STXBP5: variants seen among roughly 807,000 people sequenced by gnomAD.
STXBP5 encodes syntaxin binding protein 5.
Under a neutral mutation model 152.4 loss-of-function variants are expected in STXBP5, and 50 were observed. The ratio of observed to expected loss-of-function variants is 0.33; its 90% CI spans 0.26 to 0.42. STXBP5 has a LOEUF of 0.42. STXBP5 is among the 10% of genes least tolerant of loss of function. The probability of loss-of-function intolerance (pLI) is 1.00; values close to 1 mark genes in which losing one functional copy is unlikely to be tolerated. For synonymous variants in STXBP5, 492 were observed against 494.7 expected, an observed-to-expected ratio of 0.99 and a Z score of 0.07; for missense variants, 1,167 against 1,388.6, an observed-to-expected ratio of 0.84 and a Z score of 2.54.
At chr6:147,223,756 T>C (rs929818076) in intron 2 of STXBP5, among the ~76,000 whole-genome samples, 3 of 152,182 alleles carry the variant, frequency 2.0e-5, no homozygotes, top group African/African-American at 7.2e-5. Context: ...TTTAAATCTT[T>C]GTGGATGCTT....
chr6:147,253,568 A>C lies in STXBP5; in HGVS notation c.432-7047A>C, dbSNP rs181999613. Among the ~76,000 whole-genome samples the C allele has an allele frequency of 6.1e-4, 93 of 152,328 alleles. 2 individuals are homozygous for C. In the East Asian group the frequency reaches 0.015, roughly 25 times the overall value. On this transcript the variant is annotated intron_variant, in intron 4 of 27. Transcript: ENST00000321680. ...TTAGAAAACCCCATCGTCTCAGCCC[A>C]AAATCTCCTTAAGCTGATAAGCAAC...
intron 26 of STXBP5, among the ~76,000 whole-genome samples, chr6:147,374,963 C>A (rs1785738868): frequency 6.6e-6 from 1 of 152,190 alleles, no homozygotes; most frequent in Admixed American, 6.5e-5. Context: ...CCTGTAAAAT[C>A]TTCAGTGCTA....
At chr6:147,336,327 A>G (rs1783824490) in intron 19 of STXBP5, among the ~76,000 whole-genome samples, 2 of 152,146 alleles carry the variant, frequency 1.3e-5, no homozygotes, top group Non-Finnish European at 2.9e-5. Flanking sequence ...CAACTTGTCC[A>G]TGTAAAAATT....
intron 4 of STXBP5, 35 bp from the exon 5 acceptor site, chr6:147,260,580 C>T: frequency 6.2e-7 from 1 of 1,612,522 alleles, no homozygotes; most frequent in South Asian, 1.1e-5. Context: ...TGCCATTTTT[C>T]AAATTTCTTT....
intron 25 of STXBP5, among the ~76,000 whole-genome samples, chr6:147,364,632 T>A (rs1464810446): frequency 6.6e-6 from 1 of 152,202 alleles, no homozygotes; most frequent in South Asian, 2.1e-4. Flanking sequence ...GTTGATCTGT[T>A]TTTGAGAGAC....
At position 147,301,874 on chromosome 6, in the gene STXBP5, G is replaced by A. The variant is rs554289457; in HGVS notation, c.918-8210G>A. Among the ~76,000 whole-genome samples, 19 of 152,222 alleles carry A rather than the reference G, an allele frequency of 1.2e-4. 1 individual carries two copies. Among genetic ancestry groups the A allele is most frequent in the South Asian group, 8.3e-4 (4 of 4,822 alleles). The stretch of plus-strand genomic sequence containing the variant: ...GATTACCACACTGCTTTGTGTTCTC[G>A]TGACTTCAGACCTGCTACTGCTGTA... On this transcript the variant is annotated intron_variant, in intron 9 of 27. Transcript: ENST00000321680.
intron 22 of STXBP5, among the ~76,000 whole-genome samples, chr6:147,356,239 A>G (rs1018448733): frequency 6.6e-6 from 1 of 152,086 alleles, no homozygotes; most frequent in Non-Finnish European, 1.5e-5. Flanking sequence ...TAATTTTAAT[A>G]GTTATCAGTA....
intron 3 of STXBP5, among the ~76,000 whole-genome samples, 195 bp downstream of exon 3, chr6:147,235,526 A>G (rs557888427): frequency 9.2e-5 from 14 of 152,298 alleles, no homozygotes; most frequent in African/African-American, 3.1e-4. Context: ...ATGTTTTCTC[A>G]AGACAGTGTT....
Position 147,313,864 on chromosome 6 carries a change from T to G in STXBP5, c.1146-20T>G, listed in dbSNP as rs772197732. On this transcript the variant is annotated intron_variant, in intron 11 of 27. Transcript: ENST00000321680. The stretch of plus-strand genomic sequence containing the variant: ...TAATTCATTAAATTAATAAATACTT[T>G]TCTTTTTCTGTTGTTAAAGATATCC... 2.5e-5 allele frequency: 36 copies of G among 1,454,224 alleles called. No individual in the cohort carries two copies. Among genetic ancestry groups the G allele is most frequent in the Admixed American group, 7.6e-5 (4 of 52,880 alleles). 90.1% of individuals were successfully genotyped at this position (1,454,224 alleles called of 1,614,324 possible).
Position 147,311,493 on chromosome 6 carries a change from A to G in STXBP5, c.1111A>G (p.Lys371Glu), listed in dbSNP as rs1456792552. 6.2e-7 allele frequency: 1 copy of G among 1,612,230 alleles called. No homozygotes were observed. Among genetic ancestry groups the G allele is most frequent in the African/African-American group, 1.3e-5 (1 of 74,846 alleles). Residue 371 changes from lysine to glutamate, a missense_variant, in exon 11 of 28, where the codon AAG becomes GAG. Around this residue, in one of 3 missense-constraint regions of STXBP5, gnomAD observed 833 missense variants for 986.3 expected, o/e 0.84. Coordinates refer to ENST00000321680, the MANE Select transcript of STXBP5 (RefSeq NM_001127715.4). ...ATATGCTGTGGTTGTTCTTCTAGAA[A>G]AGGATTTAGTACTTATAGACCTTGC... ...EPYAVVVLLE[K>E]DLVLIDLAQN...
intron 7 of STXBP5, among the ~76,000 whole-genome samples, chr6:147,270,839 T>C (rs543823216): frequency 3.5e-4 from 54 of 152,264 alleles, no homozygotes; most frequent in South Asian, 1.0e-3. Flanking sequence ...AATAGCACAA[T>C]GGTCGGAAGA....
chr6:147,357,609 A>G (rs1230549841), intron 22 of STXBP5, among the ~76,000 whole-genome samples: 3 of 152,102 alleles, frequency 2.0e-5, no homozygotes, highest in Non-Finnish European at 2.9e-5. Context: ...TCAGCTGGGA[A>G]TTGTCTAAGT....
chr6:147,241,645 A>G (rs1355032711), intron 4 of STXBP5, among the ~76,000 whole-genome samples: 1 of 152,166 alleles, frequency 6.6e-6, no homozygotes, highest in Non-Finnish European at 1.5e-5. Flanking sequence ...ACATCATAGC[A>G]TCTTATAGAT....
chr6:147,347,540 C>T (rs999283171), intron 21 of STXBP5, among the ~76,000 whole-genome samples: 1 of 152,086 alleles, frequency 6.6e-6, no homozygotes, highest in African/African-American at 2.4e-5. Context: ...TATAATATAC[C>T]AGTTGTAAAA....
At chr6:147,357,426 A>G (rs1026857228) in intron 22 of STXBP5, among the ~76,000 whole-genome samples, 1 of 152,156 alleles carries the variant, frequency 6.6e-6, no homozygotes, top group African/African-American at 2.4e-5. Flanking sequence ...AGATAAGGCC[A>G]GGAGGGTAGA....
chr6:147,253,291 T>C (rs1328983333), intron 4 of STXBP5, among the ~76,000 whole-genome samples: 1 of 152,098 alleles, frequency 6.6e-6, no homozygotes, highest in Non-Finnish European at 1.5e-5. Context: ...ATAAACTAGG[T>C]GTCGATGGAA....
At chr6:147,294,479 G>A (rs1226789886) in intron 9 of STXBP5, among the ~76,000 whole-genome samples, 1 of 152,028 alleles carries the variant, frequency 6.6e-6, no homozygotes, top group Non-Finnish European at 1.5e-5. Flanking sequence ...ACACATACTG[G>A]TTGTCTCAGA....
In STXBP5 at chr6:147,204,725, T is replaced by C; in HGVS notation, c.150+43T>C. The C allele has an allele frequency of 6.6e-7, 1 of 1,518,714 alleles. No homozygotes were observed. Among genetic ancestry groups the C allele is most frequent in the South Asian group, 1.3e-5 (1 of 79,314 alleles). 94.1% of individuals were successfully genotyped at this position (1,518,714 alleles called of 1,614,324 possible). On this transcript the variant is annotated intron_variant, in intron 1 of 27. Coordinates refer to ENST00000321680, the MANE Select transcript of STXBP5 (RefSeq NM_001127715.4). This position sits in a 1 kb window ranked among gnomAD's most constrained non-coding sequence, Gnocchi z 4.3. ...CCCCGCGACACCGTCATTGAAAAATTGGGGTTGTTTTAAGGGGGCTACTCG... is the reference window on the plus strand; with the variant it reads ...CCCCGCGACACCGTCATTGAAAAATCGGGGTTGTTTTAAGGGGGCTACTCG...
chr6:147,307,733 T>C (rs1319828163), intron 9 of STXBP5, among the ~76,000 whole-genome samples: 1 of 152,224 alleles, frequency 6.6e-6, no homozygotes, highest in Admixed American at 6.5e-5. Flanking sequence ...TTTATTATTA[T>C]GAAAAGGAAA....
Sources: gnomAD v4.1 joint callset for allele counts (sites outside exome capture counted in the v4.1 genomes callset) on GRCh38, gnomAD v4.1.1 for gene constraint, gnomAD v4.1.1 regional missense constraint, Gnocchi (gnomAD v3.1) non-coding constraint, MANE v1.5 for transcripts, NCBI Gene and HGNC (gene_info 2026-07-23, HGNC 2026-07-21) for gene names.